CFLAR: variants seen among roughly 807,000 people sequenced by gnomAD.
CFLAR encodes the protein CASP8 and FADD-like apoptosis regulator.
Under a neutral mutation model 51.1 loss-of-function variants are expected in CFLAR, and 14 were observed. The observed-to-expected ratio is 0.27, with a 90% CI of 0.18 to 0.43. The LOEUF (loss-of-function observed/expected upper bound fraction) is 0.43. Among genes scored for constraint, CFLAR ranks in the 20% least tolerant of loss-of-function variants. CFLAR has a pLI of 1.00. For missense variants in CFLAR, 390 were observed against 566.5 expected, an observed-to-expected ratio of 0.69 and a Z score of 3.16; for synonymous variants, 210 against 211.6, an observed-to-expected ratio of 0.99 and a Z score of 0.06.
chr2:201,137,946 T>C, intron 4 of CFLAR: 1 of 758,476 alleles, frequency 1.3e-6, no homozygotes, highest in Admixed American at 1.7e-5. Flanking sequence ...CTTGACCACA[T>C]GCCCCATGGT....
rs932994019 is a variant in CFLAR, at chr2:201,119,919, T to C, written c.-138+3438T>C. Among the ~76,000 whole-genome samples, 41 of 151,876 alleles carry C rather than the reference T, an allele frequency of 2.7e-4. 1 individual carries two copies. The highest frequency in any genetic ancestry group is 2.7e-3 in the Admixed American group (41 of 15,260). ...TTTAAAAATAAACACTCAATTTTTT[T>C]GGTTTATTTTCTAGTTTGCAAGATA... On this transcript the variant is annotated intron_variant, in intron 1 of 9. Coordinates refer to ENST00000309955, the MANE Select transcript of CFLAR (RefSeq NM_003879.7).
chr2:201,141,500 A>G (rs1266387097), intron 5 of CFLAR: 1 of 1,521,616 alleles, frequency 6.6e-7, no homozygotes, highest in Non-Finnish European at 8.8e-7. Context: ...TAAATGTGTT[A>G]TAATGTGTTT....
chr2:201,140,020 T>A, intron 4 of CFLAR: 1 of 303,468 alleles, frequency 3.3e-6, no homozygotes. Context: ...TGATAGGTAG[T>A]CCCTCATGCT....
chr2:201,128,324 T>C (rs2048903516), intron 1 of CFLAR, among the ~76,000 whole-genome samples: 1 of 152,190 alleles, frequency 6.6e-6, no homozygotes, highest in African/African-American at 2.4e-5. Flanking sequence ...AATTTGTATT[T>C]ATCTTTCTGA....
In CFLAR at chr2:201,176,153, T is replaced by C. The variant is rs914535389; in HGVS notation, c.*12180T>C. ...CAAGCAGGTGACCTGAGAAACCAGG[T>C]GCAGGGCTTGCCCTCTTGACTTGGG... On this transcript the variant is annotated 3_prime_UTR_variant, in exon 10 of 10. Transcript: ENST00000309955. 3.3e-5 allele frequency: 5 copies of C among 152,122 alleles called. No homozygotes were observed. Among genetic ancestry groups the C allele is most frequent in the Admixed American group, 6.6e-5 (1 of 15,258 alleles). 9.4% of individuals were successfully genotyped at this position (152,122 alleles called of 1,614,324 possible).
rs541425398 is a variant in CFLAR at position 201,121,415 on chromosome 2, G to A, written c.-138+4934G>A. ...TCCCTTTAACCTGGGCCATCACCAG[G>A]AATGTAAAGGAACCTAGAACGAGGA... On this transcript the variant is annotated intron_variant, in intron 1 of 9. Coordinates refer to ENST00000309955, the MANE Select transcript of CFLAR (RefSeq NM_003879.7). 5.8e-4 allele frequency among the ~76,000 whole-genome samples: 88 copies of A among 152,288 alleles called. 2 individuals are homozygous for A. In the South Asian group the frequency reaches 0.018, roughly 31 times the overall value.
chr2:201,127,987 A>C lies in CFLAR; in HGVS notation c.-137-1742A>C, dbSNP rs543637270. Among the ~76,000 whole-genome samples the C allele has an allele frequency of 6.6e-5, 10 of 152,304 alleles. No homozygotes were observed. In the South Asian group the frequency reaches 2.1e-3, roughly 32 times the overall value. The stretch of plus-strand genomic sequence containing the variant: ...TATATTGTTGATACTTATGAATTAC[A>C]AAAGTTAGATGACTGTAAAAAAATA... On this transcript the variant is annotated intron_variant, in intron 1 of 9. Transcript: ENST00000309955.
chr2:201,142,312 G>C (rs1290774748), intron 5 of CFLAR, among the ~76,000 whole-genome samples: 2 of 150,908 alleles, frequency 1.3e-5, no homozygotes, highest in African/African-American at 2.4e-5. Flanking sequence ...ATATATAAAT[G>C]CTTTCCTTAA....
At position 201,165,064 on chromosome 2, in the gene CFLAR, T is replaced by G. The variant is rs1943406105; in HGVS notation, c.*1091T>G. 1 of 152,026 alleles carries G rather than the reference T, an allele frequency of 6.6e-6. No homozygotes were observed. The highest frequency in any genetic ancestry group is 1.9e-4 in the East Asian group (1 of 5,188). The allele number at this position is 152,026 out of a possible 1,614,324, so 9.4% of individuals were successfully genotyped here. A position where few individuals can be genotyped will look rare whatever the true frequency, so the allele number is the denominator to read the frequency against. On this transcript the variant is annotated 3_prime_UTR_variant, in exon 10 of 10. Coordinates refer to ENST00000309955, the MANE Select transcript of CFLAR (RefSeq NM_003879.7). ...GTCACTTTGGGGATACTGTCTCCCC[T>G]TTGAATTCTGGGGGGAATACAAACA...
rs1943902928 is a variant in CFLAR, at chr2:201,169,813, C to G, written c.*5840C>G. ...ACAAAGGACATGAACAGACACTTCT[C>G]AAAAGAAGACATTTATGTGGCCAAC... On this transcript the variant is annotated 3_prime_UTR_variant, in exon 10 of 10. Transcript: ENST00000309955. 1 of 152,114 alleles carries G rather than the reference C, an allele frequency of 6.6e-6. No individual in the cohort carries two copies. Among genetic ancestry groups the G allele is most frequent in the Admixed American group, 6.5e-5 (1 of 15,270 alleles). 9.4% of individuals were successfully genotyped at this position (152,114 alleles called of 1,614,324 possible).
At chr2:201,131,269 C>T (rs914820841) in intron 2 of CFLAR, among the ~76,000 whole-genome samples, 7 of 152,116 alleles carry the variant, frequency 4.6e-5, no homozygotes, top group Admixed American at 1.3e-4. Context: ...CAAAGTCTCG[C>T]TCTGCAGCCC....
intron 2 of CFLAR, among the ~76,000 whole-genome samples, chr2:201,131,809 A>G (rs2049357007): frequency 6.6e-6 from 1 of 152,072 alleles, no homozygotes; most frequent in African/African-American, 2.4e-5. Context: ...CAAGCCTCAG[A>G]TCTACCAATT....
At position 201,149,737 on chromosome 2, in the gene CFLAR, C is replaced by G; in HGVS notation, c.712-17C>G. On this transcript the variant is annotated splice_polypyrimidine_tract_variant and intron_variant, in intron 7 of 9. Coordinates refer to ENST00000309955, the MANE Select transcript of CFLAR (RefSeq NM_003879.7). ...GCAATATCCAGAGTCTTTAGCATTT[C>G]TTGTCTTCCTTTCCAGAGCATACCT... The G allele has an allele frequency of 1.3e-6, 2 of 1,595,464 alleles. No homozygotes were observed. Among genetic ancestry groups the G allele is most frequent in the South Asian group, 1.1e-5 (1 of 90,646 alleles).
chr2:201,116,367 A>G lies in CFLAR; in HGVS notation c.-252A>G, dbSNP rs570831967. On this transcript the variant is annotated 5_prime_UTR_variant, in exon 1 of 10. Coordinates refer to ENST00000309955, the MANE Select transcript of CFLAR (RefSeq NM_003879.7). This position sits in a 1 kb window ranked among gnomAD's most constrained non-coding sequence, Gnocchi z 4.8. Reference sequence around the variant, plus strand: ...CCGCGAACAGCGATCGCCCAGCACCAAGTCCGCTTCCAGGCTTTCGGTTTC... The same window carrying G: ...CCGCGAACAGCGATCGCCCAGCACCGAGTCCGCTTCCAGGCTTTCGGTTTC... The G allele has an allele frequency of 3.3e-5, 5 of 152,420 alleles. No individual in the cohort carries two copies. Among genetic ancestry groups the G allele is most frequent in the Non-Finnish European group, 5.9e-5 (4 of 68,106 alleles). 9.4% of individuals were successfully genotyped at this position (152,420 alleles called of 1,614,324 possible). A position where few individuals can be genotyped will look rare whatever the true frequency, so the allele number is the denominator to read the frequency against.
At chr2:201,130,636 G>C (rs2049209718) in intron 2 of CFLAR, among the ~76,000 whole-genome samples, 1 of 152,076 alleles carries the variant, frequency 6.6e-6, no homozygotes, top group Non-Finnish European at 1.5e-5. Context: ...AAAATGCTGG[G>C]ATAACAGGCA....
intron 5 of CFLAR, among the ~76,000 whole-genome samples, chr2:201,144,993 C>G (rs1939813309): frequency 1.3e-5 from 2 of 152,066 alleles, no homozygotes; most frequent in Non-Finnish European, 1.5e-5. Context: ...GCTGGGATTA[C>G]AGGGGCACGC....
chr2:201,143,991 A>G (rs770230760), intron 5 of CFLAR: 4 of 152,204 alleles, frequency 2.6e-5, no homozygotes, highest in Admixed American at 6.5e-5. Flanking sequence ...CTACAATACA[A>G]TGCTTTTAAA....
At chr2:201,140,712 C>A in intron 5 of CFLAR, 1 of 280,344 alleles carries the variant, frequency 3.6e-6, no homozygotes, top group Non-Finnish European at 6.6e-6. Flanking sequence ...GGTATATTTC[C>A]TTCTAGACTC....
At chr2:201,139,521 G>A (rs1937921597) in intron 4 of CFLAR, 1 of 154,438 alleles carries the variant, frequency 6.5e-6, no homozygotes, top group Non-Finnish European at 1.4e-5. Context: ...CCTGGGCAAT[G>A]GAATGTCTCG....
Sources: allele counts gnomAD v4.1 joint callset (sites outside exome capture counted in the v4.1 genomes callset), GRCh38; gene constraint gnomAD v4.1.1; non-coding constraint Gnocchi (gnomAD v3.1); transcripts MANE v1.5; gene names NCBI Gene and HGNC (gene_info 2026-07-23, HGNC 2026-07-21).